The following PTPRD variants were observed in gnomAD, a reference collection of about 807,000 sequenced individuals.
The protein encoded by PTPRD is receptor-type tyrosine-protein phosphatase delta.
In PTPRD, 34 loss-of-function variants were observed where a neutral mutation model predicts 214.5. The ratio of observed to expected loss-of-function variants is 0.16; its 90% confidence interval spans 0.12 to 0.21. PTPRD has a LOEUF of 0.21. PTPRD is among the 10% of genes least tolerant of loss of function. The probability of loss-of-function intolerance (pLI) is 1.00; values close to 1 mark genes in which losing one functional copy is unlikely to be tolerated. For missense variants in PTPRD, 2,545 were observed against 2,398.7 expected (o/e 1.06, Z -1.27); for synonymous variants, 1,128 against 845.7 (o/e 1.33, Z -5.79).
intron 3 of PTPRD, among the ~76,000 whole-genome samples, chr9:10,077,611 TC>T (rs2098154808): frequency 1.3e-5 from 2 of 152,142 alleles, no homozygotes; most frequent in South Asian, 4.1e-4. Flanking sequence ...AAGCATAGTA[TC>T]CAATAGGTAA....
chr9:8,713,571 G>A, intron 12 of PTPRD: 4 of 1,480,308 alleles, frequency 2.7e-6, no homozygotes, highest in Non-Finnish European at 3.8e-6. Flanking sequence ...GTGACTCCCG[G>A]AGCGGCACCC....
In PTPRD at chr9:10,391,763, G is replaced by A. The variant is rs114134699; in HGVS notation, c.-599-50746C>T. Among the ~76,000 whole-genome samples, 836 of 151,826 alleles carry A rather than the reference G, an allele frequency of 5.5e-3. 7 individuals are homozygous for A. The highest frequency in any genetic ancestry group is 0.019 in the African/African-American group (795 of 41,464). The stretch of plus-strand genomic sequence containing the variant: ...ATAAATTAGAATATTTTACTCTCCT[G>A]TGCACAAATTCCAATGGGTTCCCAT... On this transcript the variant is annotated intron_variant, in intron 2 of 45. Transcript: ENST00000381196.
At chr9:9,479,223 C>T (rs1034764047) in intron 8 of PTPRD, among the ~76,000 whole-genome samples, 1 of 15,994 alleles carries the variant, frequency 6.3e-5, no homozygotes, top group Non-Finnish European at 1.5e-4. Context: ...ACGCCCCCCC[C>T]CCCCCCACAC....
intron 7 of PTPRD, among the ~76,000 whole-genome samples, chr9:9,695,042 G>A (rs2097345514): frequency 1.3e-5 from 2 of 152,110 alleles, no homozygotes; most frequent in Admixed American, 6.5e-5. Flanking sequence ...ATCATTCACT[G>A]TAGCCACCGT....
rs759007341 is a variant in PTPRD at position 10,543,665 on chromosome 9, G to T, written c.-600+68733C>A. Among the ~76,000 whole-genome samples, 24 of 152,288 alleles carry T rather than the reference G, an allele frequency of 1.6e-4. 1 individual carries two copies. Among genetic ancestry groups the T allele is most frequent in the Middle Eastern group, 6.8e-3 (2 of 294 alleles). Reference sequence around the variant, plus strand: ...AAGATGGGCTAGTTCCTTTGAAGTTGGACATTTGAACTATAGTAAACTCTA... The same window carrying T: ...AAGATGGGCTAGTTCCTTTGAAGTTTGACATTTGAACTATAGTAAACTCTA... On this transcript the variant is annotated intron_variant, in intron 2 of 45. Coordinates refer to ENST00000381196, the MANE Select transcript of PTPRD (RefSeq NM_002839.4).
intron 2 of PTPRD, among the ~76,000 whole-genome samples, chr9:10,438,649 G>A (rs1347421204): frequency 6.6e-6 from 1 of 151,496 alleles, no homozygotes; most frequent in Non-Finnish European, 1.5e-5. Context: ...TCCTATTTCA[G>A]CAGTATATGT....
At chr9:8,386,309 G>A (rs533246809) in intron 37 of PTPRD, among the ~76,000 whole-genome samples, 10 of 152,234 alleles carry the variant, frequency 6.6e-5, no homozygotes, top group East Asian at 5.8e-4. Flanking sequence ...GCAGTCCTGC[G>A]TAATATCAAG....
intron 3 of PTPRD, among the ~76,000 whole-genome samples, chr9:10,289,709 C>T (rs895731866): frequency 6.6e-6 from 1 of 152,296 alleles, no homozygotes; most frequent in Admixed American, 6.5e-5. Flanking sequence ...AATAGGAAAT[C>T]TTGCCATATA....
At chr9:8,814,648 T>G (rs921409124) in intron 11 of PTPRD, among the ~76,000 whole-genome samples, 6 of 152,192 alleles carry the variant, frequency 3.9e-5, no homozygotes, top group Non-Finnish European at 8.8e-5. Flanking sequence ...GGGCATGAGT[T>G]TGGAGAGCAC....
rs115439932 is a variant in PTPRD, at chr9:9,373,232, G to A, written c.-203+24217C>T. ...TCTACCTCTTTTTAGGTGTGTAATC[G>A]TGGACAAGCTACTTAAACTCCCAGT... is the stretch of plus-strand genomic sequence containing the variant. On this transcript the variant is annotated intron_variant, in intron 9 of 45. Coordinates refer to ENST00000381196, the MANE Select transcript of PTPRD (RefSeq NM_002839.4). 2.9e-3 allele frequency among the ~76,000 whole-genome samples: 446 copies of A among 152,068 alleles called. 2 individuals are homozygous for A. The highest frequency in any genetic ancestry group is 0.01 in the African/African-American group (421 of 41,498).
intron 2 of PTPRD, among the ~76,000 whole-genome samples, chr9:10,592,672 T>C (rs1377795684): frequency 2.6e-5 from 4 of 151,932 alleles, no homozygotes; most frequent in Non-Finnish European, 5.9e-5. Flanking sequence ...AGCAAGGGTA[T>C]TGTAAAATGC....
At chr9:10,426,044 A>G (rs1476743644) in intron 2 of PTPRD, among the ~76,000 whole-genome samples, 1 of 151,986 alleles carries the variant, frequency 6.6e-6, no homozygotes, top group Non-Finnish European at 1.5e-5. Flanking sequence ...TAAAAATGTA[A>G]TATTTTGGAT....
At chr9:8,611,588 C>T (rs1294669967) in intron 14 of PTPRD, among the ~76,000 whole-genome samples, 1 of 151,886 alleles carries the variant, frequency 6.6e-6, no homozygotes, top group African/African-American at 2.4e-5. Flanking sequence ...ACCTGTATTC[C>T]CAGCTACTGG....
intron 2 of PTPRD, among the ~76,000 whole-genome samples, chr9:10,604,750 G>A (rs1270294053): frequency 6.6e-6 from 1 of 151,728 alleles, no homozygotes; most frequent in Non-Finnish European, 1.5e-5. Context: ...CATTGAAACA[G>A]GTACCATAGA....
At chr9:8,873,595 T>A (rs1195705491) in intron 11 of PTPRD, among the ~76,000 whole-genome samples, 3 of 152,246 alleles carry the variant, frequency 2.0e-5, no homozygotes, top group Non-Finnish European at 4.4e-5. Context: ...TTTCTCTATC[T>A]CTTTTTTAAA....
At chr9:8,587,133 G>C (rs990137946) in intron 14 of PTPRD, among the ~76,000 whole-genome samples, 3 of 152,190 alleles carry the variant, frequency 2.0e-5, no homozygotes, top group African/African-American at 7.2e-5. Flanking sequence ...CTGGGCGACA[G>C]AGCGAGACTC....
chr9:8,499,892 T>C (rs777894168), intron 24 of PTPRD, 52 bp from the exon 25 acceptor site: 4 of 1,466,118 alleles, frequency 2.7e-6, no homozygotes, highest in Non-Finnish European at 3.7e-6. Flanking sequence ...TCCCACCCTA[T>C]CAGAGCATTT....
chr9:9,477,914 C>A (rs1030064311), intron 8 of PTPRD, among the ~76,000 whole-genome samples: 3 of 152,082 alleles, frequency 2.0e-5, no homozygotes, highest in African/African-American at 7.2e-5. Context: ...ATAAATAGTT[C>A]TCAAAAACTC....
chr9:8,464,472 C>T lies in PTPRD; in HGVS notation c.3714+994G>A, dbSNP rs181798387. Among the ~76,000 whole-genome samples, 3 of 151,990 alleles carry T rather than the reference C, an allele frequency of 2.0e-5. 1 individual carries two copies. The East Asian group carries it at 5.8e-4, about 30-fold the overall frequency. ...GAGGCTGCCTTTGTGTTTTGATTTT[C>T]CACGGGGGAATTCTTTCAGTCACTT... On this transcript the variant is annotated intron_variant, in intron 32 of 45. Transcript: ENST00000381196.
Sources: allele counts gnomAD v4.1 joint callset (sites outside exome capture counted in the v4.1 genomes callset), GRCh38; gene constraint gnomAD v4.1.1; transcripts MANE v1.5; gene names NCBI Gene and HGNC (gene_info 2026-07-23, HGNC 2026-07-21).